Variants in PREPL observed in about 807,000 individuals in gnomAD.
PREPL encodes prolyl endopeptidase-like.
PREPL carries 77 observed loss-of-function variants against 70.6 expected under a neutral mutation model. That is an observed-to-expected ratio of 1.09 (90% CI 0.91 to 1.32). The LOEUF (loss-of-function observed/expected upper bound fraction) is 1.32, where lower values mean the gene tolerates loss of function less well. Among genes scored for constraint, PREPL ranks in the 40% most tolerant of loss-of-function variants. The pLI is 0.00. For synonymous variants in PREPL, 315 were observed against 264.8 expected (o/e 1.19, Z -1.84); for missense variants, 1,002 against 778.2 (o/e 1.29, Z -3.42).
At chr2:44,335,182 G>A (rs904081053) in intron 7 of PREPL, among the ~76,000 whole-genome samples, 5 of 152,070 alleles carry the variant, frequency 3.3e-5, no homozygotes, top group Admixed American at 3.3e-4. Context: ...AGAAGATACA[G>A]AATAAATTAA....
In PREPL at chr2:44,339,678, T is replaced by C. The variant is rs555976033; in HGVS notation, c.486-315A>G. ...TTTGCTACATTTACTTTATTACATA[T>C]CTATGCACCTATTAATCCATCTTTA... On this transcript the variant is annotated intron_variant, in intron 5 of 13. Transcript: ENST00000409411. Among the ~76,000 whole-genome samples the C allele has an allele frequency of 2.6e-4, 39 of 152,352 alleles. 1 individual carries two copies. Among genetic ancestry groups the C allele is most frequent in the African/African-American group, 8.7e-4 (36 of 41,580 alleles).
intron 8 of PREPL, among the ~76,000 whole-genome samples, chr2:44,331,581 T>C (rs1674097360): frequency 1.3e-5 from 2 of 152,136 alleles, no homozygotes; most frequent in African/African-American, 4.8e-5. Context: ...CCCTATCTCC[T>C]TTCTAGTTTA....
intron 8 of PREPL, among the ~76,000 whole-genome samples, chr2:44,331,442 G>A (rs917808451): frequency 5.9e-5 from 9 of 152,058 alleles, no homozygotes; most frequent in South Asian, 2.1e-4. Context: ...TCTCGACCTC[G>A]TGATCTGCCC....
chr2:44,358,828 G>A (rs189319184), intron 1 of PREPL, among the ~76,000 whole-genome samples: 1 of 152,070 alleles, frequency 6.6e-6, no homozygotes, highest in Non-Finnish European at 1.5e-5. Context: ...TTTTTTTACA[G>A]AGAAATAAAA....
chr2:44,358,498 G>A (rs538477361), intron 1 of PREPL, among the ~76,000 whole-genome samples: 2 of 152,276 alleles, frequency 1.3e-5, no homozygotes, highest in East Asian at 1.9e-4. Context: ...AGAAGTAAAA[G>A]GTAGGAGAGG....
intron 8 of PREPL, among the ~76,000 whole-genome samples, 176 bp from the exon 9 acceptor site, chr2:44,329,288 GT>G (rs1167766764): frequency 6.6e-6 from 1 of 152,170 alleles, no homozygotes; most frequent in Admixed American, 6.5e-5. Flanking sequence ...ATGGCTTTTG[GT>G]TTCAGCTACC....
intron 12 of PREPL, among the ~76,000 whole-genome samples, chr2:44,322,316 G>A (rs1354622211): frequency 2.6e-5 from 4 of 152,200 alleles, no homozygotes; most frequent in South Asian, 4.1e-4. Flanking sequence ...AGCTGAAACA[G>A]CTAGCTAGAG....
chr2:44,359,375 T>C (rs1677411056), intron 1 of PREPL: 7 of 820,180 alleles, frequency 8.5e-6, no homozygotes, highest in South Asian at 1.8e-5. Context: ...GACTTGAAAA[T>C]TAGAAAAATC....
intron 2 of PREPL, among the ~76,000 whole-genome samples, chr2:44,345,225 T>C (rs1408402700): frequency 6.6e-6 from 1 of 152,236 alleles, no homozygotes; most frequent in African/African-American, 2.4e-5. Context: ...ACGTTTATTA[T>C]CTGTTAGTTG....
chr2:44,349,109 T>C (rs1676128879), intron 1 of PREPL, among the ~76,000 whole-genome samples: 1 of 152,200 alleles, frequency 6.6e-6, no homozygotes, highest in African/African-American at 2.4e-5. Flanking sequence ...ACTAAATCAT[T>C]TTAACAATGA....
chr2:44,342,880 C>T (rs983274015), intron 4 of PREPL, among the ~76,000 whole-genome samples: 2 of 152,182 alleles, frequency 1.3e-5, no homozygotes, highest in African/African-American at 4.8e-5. Flanking sequence ...CCGTCTCAAT[C>T]TACAACTTGA....
intron 8 of PREPL, 36 bp from the exon 9 acceptor site, chr2:44,329,148 G>C: frequency 6.6e-7 from 1 of 1,512,936 alleles, no homozygotes; most frequent in Non-Finnish European, 9.1e-7. Flanking sequence ...GTAAAGAAGA[G>C]TCTTTTATAA....
Position 44,323,417 on chromosome 2 carries a change from A to C in PREPL, c.1480-6T>G, listed in dbSNP as rs756590077. The C allele has an allele frequency of 1.3e-6, 2 of 1,573,082 alleles. No homozygotes were observed. The highest frequency in any genetic ancestry group is 2.3e-5 in the East Asian group (1 of 44,380). On this transcript the variant is annotated splice_region_variant and splice_polypyrimidine_tract_variant and intron_variant, in intron 10 of 13. Coordinates refer to ENST00000409411, the MANE Select transcript of PREPL (RefSeq NM_001171613.2). ...AGAACATCCAAGAAAGGTGCCTAAA[A>C]AAAAGGCAAAGAAACTTATACTTCA...
At chr2:44,327,188 C>T (rs761599942) in intron 9 of PREPL, among the ~76,000 whole-genome samples, 23 of 152,102 alleles carry the variant, frequency 1.5e-4, no homozygotes, top group South Asian at 6.2e-4. Flanking sequence ...ATTGATTCAA[C>T]GAATATATTT....
Position 44,328,319 on chromosome 2 carries a change from C to A in PREPL, c.1262+618G>T, listed in dbSNP as rs1312555568. Among the ~76,000 whole-genome samples the A allele has an allele frequency of 1.4e-5, 2 of 146,176 alleles. 1 individual carries two copies. The highest frequency in any genetic ancestry group is 3.0e-5 in the Non-Finnish European group (2 of 67,096). ...CAGTGTGGTGGTGTGCGCCTGTAGT[C>A]CCAGCTACTCAGGAGCCTGAAGCAT... is the stretch of plus-strand genomic sequence containing the variant. On this transcript the variant is annotated intron_variant, in intron 9 of 13. Transcript: ENST00000409411.
chr2:44,340,270 T>C (rs1675070560), intron 5 of PREPL, among the ~76,000 whole-genome samples: 2 of 152,100 alleles, frequency 1.3e-5, no homozygotes, highest in South Asian at 4.2e-4. Context: ...TCCATGATCT[T>C]CACAATTATT....
At position 44,317,908 on chromosome 2, in the gene PREPL, TAAGA is replaced by T. The variant is rs1374618726; in HGVS notation, c.*3444_*3447del. Reference sequence around the variant, plus strand: ...ACCACTCAGATAACAAAAACAGACATAAGAAACACTAACATAAAACACAAAGAAT... The same window carrying T: ...ACCACTCAGATAACAAAAACAGACATAACACTAACATAAAACACAAAGAAT... On this transcript the variant is annotated 3_prime_UTR_variant, in exon 14 of 14. Coordinates refer to ENST00000409411, the MANE Select transcript of PREPL (RefSeq NM_001171613.2). The T allele has an allele frequency of 4.2e-6, 1 of 236,396 alleles. No homozygotes were observed. Among genetic ancestry groups the T allele is most frequent in the Non-Finnish European group, 8.6e-6 (1 of 116,404 alleles). The allele number at this position is 236,396 out of a possible 1,614,324, so 14.6% of individuals were successfully genotyped here.
chr2:44,321,970 C>T, intron 12 of PREPL, 70 bp from the exon 13 acceptor site: 1 of 1,447,888 alleles, frequency 6.9e-7, no homozygotes, highest in Non-Finnish European at 9.4e-7. Flanking sequence ...GAGACCCATT[C>T]CTCCCCTCTT....
chr2:44,339,173 T>A lies in PREPL; in HGVS notation c.676A>T (p.Asn226Tyr), dbSNP rs770392532. Residue 226 changes from asparagine to tyrosine, a missense_variant, in exon 6 of 14, where the codon AAT becomes TAT. Coordinates refer to ENST00000409411, the MANE Select transcript of PREPL (RefSeq NM_001171613.2). ...HRDDELYILT[N>Y]VGEPTEFKLM... Reference sequence around the variant, plus strand: ...TTAAATTCTGTAGGTTCTCCAACATTAGTGAGAATGTATAATTCATCATCT... The same window carrying A: ...TTAAATTCTGTAGGTTCTCCAACATAAGTGAGAATGTATAATTCATCATCT... 6.2e-7 allele frequency: 1 copy of A among 1,613,890 alleles called. No homozygotes were observed.
Sources: allele counts gnomAD v4.1 joint callset (sites outside exome capture counted in the v4.1 genomes callset), GRCh38; gene constraint gnomAD v4.1.1; transcripts MANE v1.5; gene names NCBI Gene and HGNC (gene_info 2026-07-23, HGNC 2026-07-21).